Variants in TBC1D31 observed in about 807,000 individuals in gnomAD.
TBC1D31 encodes the protein TBC1 domain family member 31.
A neutral mutation model predicts 132.9 loss-of-function variants in TBC1D31; 99 were observed. The ratio of observed to expected loss-of-function variants is 0.74; its 90% confidence interval spans 0.63 to 0.88. TBC1D31 has a LOEUF of 0.88. TBC1D31 is among the 40% of genes least tolerant of loss of function. TBC1D31 has a pLI of 0.00. For missense variants in TBC1D31, 1,134 were observed against 1,256.6 expected (o/e 0.90, Z 1.48); for synonymous variants, 385 against 419.4 (o/e 0.92, Z 1.00).
At chr8:123,098,820 T>TGAA (rs1817082698) in intron 6 of TBC1D31, among the ~76,000 whole-genome samples, 1 of 152,232 alleles carries the variant, frequency 6.6e-6, no homozygotes, top group South Asian at 2.1e-4. Context: ...GCATAAAGGT[T>TGAA]ATGTGCATCT....
the TBC1D31 span, among the ~76,000 whole-genome samples, chr8:123,158,551 G>A: frequency 2.6e-5 from 4 of 151,944 alleles, no homozygotes; most frequent in African/African-American, 9.7e-5. Context: ...AGGTGGGTGT[G>A]CGGATATTCA....
At chr8:123,150,359 C>T (rs908503809) in intron 21 of TBC1D31, among the ~76,000 whole-genome samples, 2 of 152,224 alleles carry the variant, frequency 1.3e-5, no homozygotes, top group Admixed American at 6.5e-5. Flanking sequence ...AAAGCCACTC[C>T]AGTTCTTGAG....
At chr8:123,076,062 T>A (rs894298542) in intron 1 of TBC1D31, among the ~76,000 whole-genome samples, 1 of 152,148 alleles carries the variant, frequency 6.6e-6, no homozygotes, top group African/African-American at 2.4e-5. Context: ...ACAGCTGCTG[T>A]TAATATTTAG....
intron 5 of TBC1D31, among the ~76,000 whole-genome samples, chr8:123,096,316 G>A (rs1816831867): frequency 6.6e-6 from 1 of 151,882 alleles, no homozygotes; most frequent in African/African-American, 2.4e-5. Context: ...GTATAGCAGT[G>A]TACTTTCATA....
intron 15 of TBC1D31, 68 bp downstream of exon 15, chr8:123,129,286 A>G (rs1820395611): frequency 2.7e-6 from 3 of 1,118,174 alleles, no homozygotes; most frequent in South Asian, 2.4e-5. Flanking sequence ...ATGTTCTTTC[A>G]TTTTTTCATT....
chr8:123,105,435 G>T lies in TBC1D31; in HGVS notation c.1180G>T (p.Asp394Tyr), dbSNP rs769427581. ...SKMQTRILKQ[D>Y]LTGDFESKKN... ...AATGCAAACTAGAATATTAAAACAA[G>T]ACCTGACTGGTGATTTTGAAAGTAA... The change falls in exon 8 of 22, where the codon GAC becomes TAC. Residue 394 changes from aspartate (D) to tyrosine (Y), a missense_variant. Physicochemically the swap from Asp to Tyr is radical, Grantham distance 160. Transcript: ENST00000287380. The T allele has an allele frequency of 6.2e-7, 1 of 1,610,452 alleles. No individual in the cohort carries two copies. Among genetic ancestry groups the T allele is most frequent in the Non-Finnish European group, 8.5e-7 (1 of 1,178,516 alleles).
At chr8:123,159,638 C>T in the TBC1D31 span, among the ~76,000 whole-genome samples, 3 of 152,034 alleles carry the variant, frequency 2.0e-5, no homozygotes, top group African/African-American at 7.2e-5. Context: ...ACTAAAAATA[C>T]AAAATTAGCC....
intron 8 of TBC1D31, among the ~76,000 whole-genome samples, chr8:123,106,597 G>A (rs1468463649): frequency 6.6e-6 from 1 of 152,134 alleles, no homozygotes; most frequent in Non-Finnish European, 1.5e-5. Context: ...TGGGGATCTT[G>A]GAACATTTCC....
chr8:123,132,789 G>C (rs902603389), intron 16 of TBC1D31, among the ~76,000 whole-genome samples: 2 of 152,036 alleles, frequency 1.3e-5, no homozygotes, highest in Non-Finnish European at 2.9e-5. Flanking sequence ...TTTAAAGCTT[G>C]TTAATTTTAA....
intron 2 of TBC1D31, among the ~76,000 whole-genome samples, chr8:123,081,595 T>C (rs898496007): frequency 6.6e-6 from 1 of 152,250 alleles, no homozygotes; most frequent in Non-Finnish European, 1.5e-5. Context: ...TCATAAAGTA[T>C]ATTAGTCTGT....
At chr8:123,128,595 G>C in intron 14 of TBC1D31, 82 bp downstream of exon 14, 1 of 1,133,954 alleles carries the variant, frequency 8.8e-7, no homozygotes, top group Non-Finnish European at 1.3e-6. Flanking sequence ...AAATACATTT[G>C]GCTGAGCGCG....
At position 123,151,913 on chromosome 8, in the gene TBC1D31, C is replaced by G. The variant is rs776789395; in HGVS notation, c.3175C>G (p.Gln1059Glu). ...RLTARARHRC[Q>E]TPHLLAA ...CACTGCCCGGGCTCGTCACAGATGT[C>G]AAACCCCTCATCTTTTGGCTGCATA... The change falls in exon 22 of 22, where the codon CAA (glutamine) becomes GAA (glutamate). Residue 1059 changes from glutamine (Q) to glutamate (E), a missense_variant. Coordinates refer to ENST00000287380, the MANE Select transcript of TBC1D31 (RefSeq NM_145647.4). 5.8e-6 allele frequency: 9 copies of G among 1,563,940 alleles called. No individual in the cohort carries two copies. In the Admixed American group the frequency reaches 1.4e-4, roughly 25 times the overall value.
At chr8:123,124,479 T>C (rs1280668053) in intron 11 of TBC1D31, among the ~76,000 whole-genome samples, 2 of 152,162 alleles carry the variant, frequency 1.3e-5, no homozygotes, top group Non-Finnish European at 2.9e-5. Context: ...CTGTATGCAG[T>C]AGGATATCCT....
rs528339478 is a variant in TBC1D31 at position 123,105,518 on chromosome 8, G to A, written c.1209+54G>A. The A allele has an allele frequency of 2.3e-5, 34 of 1,459,884 alleles. No homozygotes were observed. The African/African-American group carries it at 4.1e-4, about 18-fold the overall frequency. The allele number at this position is 1,459,884 out of a possible 1,614,324, so 90.4% of individuals were successfully genotyped here. Reference sequence around the variant, plus strand: ...CATGATTCTGCTGTAGACAAGTCTTGTGATTTCTAAGCCATCACCACTCTT... The same window carrying A: ...CATGATTCTGCTGTAGACAAGTCTTATGATTTCTAAGCCATCACCACTCTT... On this transcript the variant is annotated intron_variant, in intron 8 of 21. Transcript: ENST00000287380.
Position 123,082,828 on chromosome 8 carries a change from C to A in TBC1D31, c.340+11C>A. On this transcript the variant is annotated intron_variant, in intron 3 of 21. Coordinates refer to ENST00000287380, the MANE Select transcript of TBC1D31 (RefSeq NM_145647.4). The stretch of plus-strand genomic sequence containing the variant: ...AATGTTTTGATACAGGTAAGAAGTT[C>A]TCCTATTTTTCTTTTGAAGCAGAGT... 6.4e-7 allele frequency: 1 copy of A among 1,563,074 alleles called. No homozygotes were observed. The highest frequency in any genetic ancestry group is 8.8e-7 in the Non-Finnish European group (1 of 1,136,948).
intron 21 of TBC1D31, 35 bp from the exon 22 acceptor site, chr8:123,151,771 C>A: frequency 1.3e-6 from 2 of 1,534,168 alleles, no homozygotes; most frequent in Admixed American, 2.5e-5. Context: ...CATCAGAAAA[C>A]TCAGCTTTTC....
intron 10 of TBC1D31, among the ~76,000 whole-genome samples, chr8:123,116,030 A>G (rs1337509963): frequency 6.6e-6 from 1 of 152,208 alleles, no homozygotes; most frequent in Non-Finnish European, 1.5e-5. Flanking sequence ...TTATATTTAA[A>G]CAGTAATGAA....
chr8:123,113,544 G>C (rs1818636344), intron 10 of TBC1D31, among the ~76,000 whole-genome samples: 1 of 152,140 alleles, frequency 6.6e-6, no homozygotes. Flanking sequence ...GGACCTTCTT[G>C]AGATGTATTT....
chr8:123,147,945 G>A (rs1356012476), intron 20 of TBC1D31, among the ~76,000 whole-genome samples: 2 of 151,916 alleles, frequency 1.3e-5, no homozygotes, highest in Admixed American at 1.3e-4. Flanking sequence ...GGCCAATATG[G>A]TGAAACCCCC....
Sources: gnomAD v4.1 joint callset for allele counts (sites outside exome capture counted in the v4.1 genomes callset) on GRCh38, gnomAD v4.1.1 for gene constraint, MANE v1.5 for transcripts, NCBI Gene and HGNC (gene_info 2026-07-23, HGNC 2026-07-21) for gene names.